RIMS4: variants seen among roughly 807,000 people sequenced by gnomAD.
The protein encoded by RIMS4 is regulating synaptic membrane exocytosis protein 4.
In RIMS4, 9 loss-of-function variants were observed where a neutral mutation model predicts 29.0. That is an observed-to-expected ratio of 0.31 (90% CI 0.19 to 0.54). The LOEUF (loss-of-function observed/expected upper bound fraction) is 0.54, where lower values mean the gene tolerates loss of function less well. RIMS4 is among the 20% of genes least tolerant of loss of function. The pLI, the probability that RIMS4 is intolerant of heterozygous loss-of-function variation, is 0.94. For synonymous variants in RIMS4, 130 were observed against 152.9 expected (o/e 0.85, Z 1.10); for missense variants, 193 against 365.7 (o/e 0.53, Z 3.85).
At chr20:44,783,372 C>T (rs569299588) in intron 1 of RIMS4, among the ~76,000 whole-genome samples, 1 of 152,304 alleles carries the variant, frequency 6.6e-6, no homozygotes, top group Non-Finnish European at 1.5e-5. Flanking sequence ...CCTATAATCC[C>T]AGCACTTTGG....
rs1033633950 is a variant in RIMS4 at position 44,752,516 on chromosome 20, C to T, written c.*3618G>A. ...AGTTCCAGTCCTGCCCACCCACTAA[C>T]ACAGTGGGACCTCAGGCAAGCACTT... is the stretch of plus-strand genomic sequence containing the variant. On this transcript the variant is annotated 3_prime_UTR_variant, in exon 6 of 6. Transcript: ENST00000372851. 6.6e-6 allele frequency: 1 copy of T among 152,360 alleles called. No homozygotes were observed. 9.4% of individuals were successfully genotyped at this position (152,360 alleles called of 1,614,324 possible).
chr20:44,796,744 G>A (rs2066256825), intron 1 of RIMS4, among the ~76,000 whole-genome samples: 1 of 152,216 alleles, frequency 6.6e-6, no homozygotes, highest in Admixed American at 6.5e-5. Flanking sequence ...AGTGAGGCAT[G>A]GAGGGAGAAA....
intron 1 of RIMS4, among the ~76,000 whole-genome samples, chr20:44,783,915 A>G (rs1175582007): frequency 1.3e-5 from 2 of 152,230 alleles, no homozygotes; most frequent in African/African-American, 2.4e-5. Flanking sequence ...AACTCTGTGA[A>G]TAAATTAAAT....
intron 2 of RIMS4, among the ~76,000 whole-genome samples, chr20:44,759,553 C>T (rs2066075381): frequency 6.6e-6 from 1 of 152,212 alleles, no homozygotes; most frequent in Admixed American, 6.5e-5. Context: ...GCCACCACGC[C>T]TAGCCCAAGA....
intron 2 of RIMS4, among the ~76,000 whole-genome samples, chr20:44,761,278 C>T (rs6017415): frequency 0.071 from 10,761 of 152,138 alleles, 674 homozygotes; most frequent in African/African-American, 0.17. Flanking sequence ...ATAGATGAGC[C>T]GGAGAGTTAA....
Position 44,810,525 on chromosome 20 carries a change from C to G in RIMS4, c.-254G>C, listed in dbSNP as rs1245485456. On this transcript the variant is annotated 5_prime_UTR_variant, in exon 1 of 6. Transcript: ENST00000372851. ...GCGGCGGCGGCGGCGGTGGCGGCGG[C>G]GGTGGCGGCGCAGCGCGCTCTGGTC... 6.9e-6 allele frequency among the ~76,000 whole-genome samples: 1 copy of G among 144,816 alleles called. No individual in the cohort carries two copies. Among genetic ancestry groups the G allele is most frequent in the East Asian group, 2.0e-4 (1 of 4,960 alleles).
chr20:44,809,011 C>G (rs1458293768), intron 1 of RIMS4, among the ~76,000 whole-genome samples: 1 of 152,186 alleles, frequency 6.6e-6, no homozygotes, highest in Non-Finnish European at 1.5e-5. Flanking sequence ...CCAGCACATA[C>G]ACTCCTCTGT....
At chr20:44,788,104 T>C (rs139839456) in intron 1 of RIMS4, among the ~76,000 whole-genome samples, 54 of 152,358 alleles carry the variant, frequency 3.5e-4, no homozygotes, top group Middle Eastern at 3.4e-3. Context: ...GACCTCAGTC[T>C]CTATTCCAGA....
intron 1 of RIMS4, among the ~76,000 whole-genome samples, chr20:44,806,920 T>A (rs1397931360): frequency 3.3e-5 from 5 of 152,238 alleles, no homozygotes; most frequent in Non-Finnish European, 7.3e-5. Flanking sequence ...ATTTTTAAAA[T>A]GCCTGGGAAT....
chr20:44,792,383 C>G (rs1306795914), intron 1 of RIMS4, among the ~76,000 whole-genome samples: 1 of 150,018 alleles, frequency 6.7e-6, no homozygotes, highest in Non-Finnish European at 1.5e-5. Flanking sequence ...ACCTCCACCT[C>G]CTAGATTCAA....
chr20:44,806,080 G>C (rs1028383999), intron 1 of RIMS4, among the ~76,000 whole-genome samples: 3 of 152,194 alleles, frequency 2.0e-5, no homozygotes, highest in African/African-American at 7.2e-5. Context: ...GGCCCAAACC[G>C]CTAGGAGAGG....
chr20:44,756,233 G>A lies in RIMS4; in HGVS notation c.711C>T (p.Pro237=), dbSNP rs1379403185. The stretch of plus-strand genomic sequence containing the variant: ...TGGCTGGGTCCACCATGGAGGAGGT[G>A]GGGAAGAGCTTGTACCAGCCCACGG... ...TLAVGWYKLF[P]TSSMVDPATG... The change falls in exon 6 of 6, where the codon CCC becomes CCT. Residue 237 remains proline, a synonymous_variant. Transcript: ENST00000372851. This position sits in a 1 kb window ranked among gnomAD's most constrained non-coding sequence, Gnocchi z 5.9. 3 of 1,613,930 alleles carry A rather than the reference G, an allele frequency of 1.9e-6. No homozygotes were observed. The highest frequency in any genetic ancestry group is 2.5e-6 in the Non-Finnish European group (3 of 1,179,886).
At chr20:44,780,576 C>T (rs577693048) in intron 1 of RIMS4, among the ~76,000 whole-genome samples, 40 of 152,290 alleles carry the variant, frequency 2.6e-4, no homozygotes, top group African/African-American at 5.8e-4. Context: ...ATGAGAGGTG[C>T]TCAGCACTCA....
rs1443684725 is a variant in RIMS4 at position 44,756,267 on chromosome 20, G to T, written c.677C>A (p.Thr226Asn). 6.2e-7 allele frequency: 1 copy of T among 1,613,970 alleles called. No homozygotes were observed. The highest frequency in any genetic ancestry group is 8.5e-7 in the Non-Finnish European group (1 of 1,179,986). ...ARVLLEELDL[T>N]TLAVGWYKLF... ...CTTGTACCAGCCCACGGCCAGGGTG[G>T]TCAAGTCCAGCTCCTCCAGCAGCAC... is the stretch of plus-strand genomic sequence containing the variant. Residue 226 changes from threonine to asparagine, a missense_variant, in exon 6 of 6, where the codon ACC becomes AAC. Coordinates refer to ENST00000372851, the MANE Select transcript of RIMS4 (RefSeq NM_182970.4). The surrounding 1 kb of genome is among the most constrained non-coding windows in gnomAD (Gnocchi z 5.9).
At chr20:44,782,176 A>G (rs1038076714) in intron 1 of RIMS4, among the ~76,000 whole-genome samples, 1 of 152,256 alleles carries the variant, frequency 6.6e-6, no homozygotes, top group Non-Finnish European at 1.5e-5. Flanking sequence ...TAAGGATTAA[A>G]TGTACTAGTA....
rs529152972 is a variant in RIMS4 at position 44,788,455 on chromosome 20, C to T, written c.98-17042G>A. ...CAGGGGCTACTAGAAATTAGATTTG[C>T]TTGATAAATGAAGTTGACCATGAAG... On this transcript the variant is annotated intron_variant, in intron 1 of 5. Coordinates refer to ENST00000372851, the MANE Select transcript of RIMS4 (RefSeq NM_182970.4). Among the ~76,000 whole-genome samples, 9 of 152,220 alleles carry T rather than the reference C, an allele frequency of 5.9e-5. No homozygotes were observed. In the South Asian group the frequency reaches 6.2e-4, roughly 11 times the overall value.
At chr20:44,807,568 A>T (rs1054539744) in intron 1 of RIMS4, among the ~76,000 whole-genome samples, 2 of 152,126 alleles carry the variant, frequency 1.3e-5, no homozygotes, top group Admixed American at 6.6e-5. Flanking sequence ...AGGTATTAAG[A>T]AGGCCAGGGG....
rs1200076420 is a variant in RIMS4 at position 44,753,924 on chromosome 20, C to G, written c.*2210G>C. Reference sequence around the variant, plus strand: ...TCTCTTTATAAAGGCTGTGCAGACACCAGGGGAAGGGCTCAGGCTGTCAGG... The same window carrying G: ...TCTCTTTATAAAGGCTGTGCAGACAGCAGGGGAAGGGCTCAGGCTGTCAGG... On this transcript the variant is annotated 3_prime_UTR_variant, in exon 6 of 6. Transcript: ENST00000372851. 2 of 152,624 alleles carry G rather than the reference C, an allele frequency of 1.3e-5. No homozygotes were observed. Among genetic ancestry groups the G allele is most frequent in the South Asian group, 2.1e-4 (1 of 4,826 alleles). The allele number at this position is 152,624 out of a possible 1,614,324, so 9.5% of individuals were successfully genotyped here.
At chr20:44,795,166 G>A (rs527325195) in intron 1 of RIMS4, among the ~76,000 whole-genome samples, 4 of 152,318 alleles carry the variant, frequency 2.6e-5, no homozygotes, top group African/African-American at 4.8e-5. Context: ...TATGTACCAC[G>A]CACTGTGCTA....
Sources: gnomAD v4.1 joint callset for allele counts (sites outside exome capture counted in the v4.1 genomes callset) on GRCh38, gnomAD v4.1.1 for gene constraint, Gnocchi (gnomAD v3.1) non-coding constraint, MANE v1.5 for transcripts, NCBI Gene and HGNC (gene_info 2026-07-23, HGNC 2026-07-21) for gene names.